Variants in ALG14 observed in about 807,000 individuals in gnomAD.
ALG14 encodes the protein UDP-N-acetylglucosamine transferase subunit ALG14.
In ALG14, 17 loss-of-function variants were observed where a neutral mutation model predicts 22.8. The ratio of observed to expected loss-of-function variants is 0.75; its 90% confidence interval spans 0.51 to 1.12. ALG14 has a LOEUF of 1.12. Among genes scored for constraint, ALG14 ranks in the 50% most tolerant of loss-of-function variants. The probability of loss-of-function intolerance (pLI) is 0.00; values close to 1 mark genes in which losing one functional copy is unlikely to be tolerated. For missense variants in ALG14, 288 were observed against 271.8 expected (o/e 1.06, Z -0.42); for synonymous variants, 89 against 103.7 (o/e 0.86, Z 0.86).
intron 3 of ALG14, among the ~76,000 whole-genome samples, chr1:94,989,640 G>A (rs1359521107): frequency 1.3e-5 from 2 of 152,192 alleles, no homozygotes; most frequent in East Asian, 1.9e-4. Flanking sequence ...AGCGTTCACT[G>A]TCCAGCAACA....
intron 3 of ALG14, among the ~76,000 whole-genome samples, chr1:95,023,624 C>A (rs1673727819): frequency 6.6e-6 from 1 of 152,154 alleles, no homozygotes; most frequent in Non-Finnish European, 1.5e-5. Flanking sequence ...TGAAATGGTC[C>A]ATTTCCTTTC....
chr1:95,065,089 A>G (rs1447489758), intron 1 of ALG14, 72 bp from the exon 2 acceptor site: 2 of 1,358,492 alleles, frequency 1.5e-6, no homozygotes, highest in African/African-American at 1.5e-5. Context: ...ATGTTATACC[A>G]ATATCATGGT....
rs111374628 is a variant in ALG14, at chr1:95,025,117, T to C, written c.420+2012A>G. ...GATTTATGGGCTGCAGAATAGATGCTGTGTTAGCAGGCATAAAGATATTAA... is the reference window on the plus strand; with the variant it reads ...GATTTATGGGCTGCAGAATAGATGCCGTGTTAGCAGGCATAAAGATATTAA... On this transcript the variant is annotated intron_variant, in intron 3 of 3. Coordinates refer to ENST00000370205, the MANE Select transcript of ALG14 (RefSeq NM_144988.4). 1.5e-3 allele frequency among the ~76,000 whole-genome samples: 222 copies of C among 152,338 alleles called. 2 individuals are homozygous for C. Among genetic ancestry groups the C allele is most frequent in the African/African-American group, 4.8e-3 (201 of 41,574 alleles).
chr1:95,005,738 G>C (rs1356479094), intron 3 of ALG14, among the ~76,000 whole-genome samples: 1 of 152,156 alleles, frequency 6.6e-6, no homozygotes, highest in Non-Finnish European at 1.5e-5. Flanking sequence ...GTTCTTCATG[G>C]AGCAGTAGAT....
chr1:95,002,222 T>C (rs1454467740), intron 3 of ALG14, among the ~76,000 whole-genome samples: 3 of 152,000 alleles, frequency 2.0e-5, no homozygotes, highest in Admixed American at 6.6e-5. Flanking sequence ...TGGGCCAATA[T>C]TGATAAAGCC....
At chr1:95,045,549 T>A (rs1398064076) in intron 2 of ALG14, among the ~76,000 whole-genome samples, 1 of 152,078 alleles carries the variant, frequency 6.6e-6, no homozygotes, top group Non-Finnish European at 1.5e-5. Context: ...AGAGTTTGCA[T>A]ATACATTGCA....
chr1:95,058,286 A>G (rs1035958000), intron 2 of ALG14, among the ~76,000 whole-genome samples: 2 of 122,624 alleles, frequency 1.6e-5, no homozygotes, highest in Non-Finnish European at 3.3e-5. Context: ...CTCCATCTGA[A>G]AAAAAAAAAA....
intron 3 of ALG14, among the ~76,000 whole-genome samples, chr1:94,990,539 T>C (rs996375722): frequency 1.3e-5 from 2 of 152,220 alleles, no homozygotes; most frequent in Non-Finnish European, 2.9e-5. Context: ...CATCATTGTG[T>C]ATACAGCATT....
At position 95,015,666 on chromosome 1, in the gene ALG14, A is replaced by G. The variant is rs566660107; in HGVS notation, c.420+11463T>C. Among the ~76,000 whole-genome samples, 11 of 152,350 alleles carry G rather than the reference A, an allele frequency of 7.2e-5. No homozygotes were observed. The East Asian group carries it at 2.1e-3, about 29-fold the overall frequency. On this transcript the variant is annotated intron_variant, in intron 3 of 3. Transcript: ENST00000370205. ...CTTGAATGGTGGTCCAGCAGGACAG[A>G]GCTGAAATTCATTAGTAAATCCTGA... is the stretch of plus-strand genomic sequence containing the variant.
chr1:95,044,724 GTATTA>G (rs1674490048), intron 2 of ALG14, among the ~76,000 whole-genome samples: 1 of 152,000 alleles, frequency 6.6e-6, no homozygotes, highest in African/African-American at 2.4e-5. Flanking sequence ...ACTATGTCTG[GTATTA>G]CTGTCTTCTC....
At chr1:95,039,087 G>C (rs565120113) in intron 2 of ALG14, among the ~76,000 whole-genome samples, 2 of 152,250 alleles carry the variant, frequency 1.3e-5, no homozygotes, top group African/African-American at 4.8e-5. Flanking sequence ...ACTTGTGCAG[G>C]ATATAAAATT....
rs778761373 is a variant in ALG14, at chr1:94,982,891, T to C, written c.*185A>G. ...AACATTTAGTAGTTACGTTTATCAA[T>C]GTTTGTTTCATAAGAGAAGCCTCAG... is the stretch of plus-strand genomic sequence containing the variant. On this transcript the variant is annotated 3_prime_UTR_variant, in exon 4 of 4. Coordinates refer to ENST00000370205, the MANE Select transcript of ALG14 (RefSeq NM_144988.4). 1.7e-6 allele frequency: 1 copy of C among 591,026 alleles called. No individual in the cohort carries two copies. The highest frequency in any genetic ancestry group is 3.0e-6 in the Non-Finnish European group (1 of 336,706). The allele number at this position is 591,026 out of a possible 1,614,324, so 36.6% of individuals were successfully genotyped here.
chr1:94,976,016 CAAAAAAAAAAAA>C lies in ALG14; in HGVS notation c.*7048_*7059del, dbSNP rs775056839. ...TGGGCAACAGAGCGAGACTCTGTCT[CAAAAAAAAAAAA>C]AAAAAAAAAAAAGAAAGAAGAGCCT... On this transcript the variant is annotated 3_prime_UTR_variant, in exon 4 of 4. Coordinates refer to ENST00000370205, the MANE Select transcript of ALG14 (RefSeq NM_144988.4). 1 of 50,910 alleles carries C rather than the reference CAAAAAAAAAAAA, an allele frequency of 2.0e-5. No homozygotes were observed. 3.2% of individuals were successfully genotyped at this position (50,910 alleles called of 1,614,324 possible). A position where few individuals can be genotyped will look rare whatever the true frequency, so the allele number is the denominator to read the frequency against.
At chr1:94,995,303 T>C (rs1303984544) in intron 3 of ALG14, among the ~76,000 whole-genome samples, 1 of 152,138 alleles carries the variant, frequency 6.6e-6, no homozygotes, top group African/African-American at 2.4e-5. Context: ...GAGATACAGA[T>C]ATACAGAAAG....
intron 2 of ALG14, among the ~76,000 whole-genome samples, chr1:95,049,898 A>T (rs183301784): frequency 1.2e-4 from 18 of 152,190 alleles, no homozygotes; most frequent in Admixed American, 2.6e-4. Context: ...TAAAAATAAA[A>T]TTTTTTTCTA....
intron 2 of ALG14, among the ~76,000 whole-genome samples, chr1:95,061,279 G>A (rs1675137428): frequency 6.6e-6 from 1 of 152,102 alleles, no homozygotes; most frequent in Non-Finnish European, 1.5e-5. Flanking sequence ...ATACAGTATT[G>A]ATTCCTAAAA....
Position 94,982,699 on chromosome 1 carries a change from CAA to C in ALG14, c.*375_*376del, listed in dbSNP as rs368855559. Reference sequence around the variant, plus strand: ...TTCTTTTACAATGCAGAATACTTTACAAAAAAAAAAAAAAAAAAAAAAAGCTG... The same window carrying C: ...TTCTTTTACAATGCAGAATACTTTACAAAAAAAAAAAAAAAAAAAAAGCTG... On this transcript the variant is annotated 3_prime_UTR_variant, in exon 4 of 4. Transcript: ENST00000370205. 0.019 allele frequency: 1,482 copies of C among 79,346 alleles called. 7 individuals carry two copies. The highest frequency in any genetic ancestry group is 0.069 in the African/African-American group (1,391 of 20,066). The allele number at this position is 79,346 out of a possible 1,614,324, so 4.9% of individuals were successfully genotyped here.
At chr1:94,991,789 A>G (rs1054510564) in intron 3 of ALG14, among the ~76,000 whole-genome samples, 5 of 152,154 alleles carry the variant, frequency 3.3e-5, no homozygotes, top group Non-Finnish European at 7.4e-5. Context: ...AAAAACTTTG[A>G]TTTTTGTAGA....
chr1:94,985,971 T>G (rs1672630032), intron 3 of ALG14, among the ~76,000 whole-genome samples: 1 of 152,228 alleles, frequency 6.6e-6, no homozygotes, highest in African/African-American at 2.4e-5. Context: ...GTTTTACCTC[T>G]TTTTGCAGCA....
Sources: gnomAD v4.1 joint callset for allele counts (sites outside exome capture counted in the v4.1 genomes callset) on GRCh38, gnomAD v4.1.1 for gene constraint, MANE v1.5 for transcripts, NCBI Gene and HGNC (gene_info 2026-07-23, HGNC 2026-07-21) for gene names.